The following LSAMP variants were observed in gnomAD, a reference collection of about 807,000 sequenced individuals.
LSAMP encodes limbic system-associated membrane protein.
A neutral mutation model predicts 38.6 loss-of-function variants in LSAMP; 7 were observed. The ratio of observed to expected loss-of-function variants is 0.18; its 90% CI spans 0.10 to 0.34. LSAMP has a LOEUF of 0.34. Ranked by LOEUF, LSAMP falls within the 10% of genes least tolerant of loss-of-function variation. LSAMP has a pLI of 1.00. For missense variants in LSAMP, 313 were observed against 420.0 expected (o/e 0.75, Z 2.23); for synonymous variants, 154 against 166.8 (o/e 0.92, Z 0.59).
rs375481373 is a variant in LSAMP at position 115,989,072 on chromosome 3, CGTTCA to C, written c.514+30438_514+30442del. 4.3e-3 allele frequency among the ~76,000 whole-genome samples: 648 copies of C among 151,940 alleles called. 1 individual carries two copies. Among genetic ancestry groups the C allele is most frequent in the African/African-American group, 0.015 (623 of 41,408 alleles). ...CATTCAATTTTCACACTAAATGAGT[CGTTCA>C]CAGGATGAGAGTATAGTTCAAGTTA... On this transcript the variant is annotated intron_variant, in intron 3 of 6. Transcript: ENST00000490035.
At chr3:115,884,080 G>T (rs930185948) in intron 3 of LSAMP, among the ~76,000 whole-genome samples, 22 of 151,944 alleles carry the variant, frequency 1.4e-4, no homozygotes, top group African/African-American at 5.1e-4. Flanking sequence ...AATGATTCTG[G>T]GACTATGATG....
intron 1 of LSAMP, among the ~76,000 whole-genome samples, chr3:116,125,658 A>G (rs1270042360): frequency 6.6e-6 from 1 of 152,120 alleles, no homozygotes; most frequent in Non-Finnish European, 1.5e-5. Flanking sequence ...ATGGAAGAAC[A>G]CTTTGTAAAC....
intron 6 of LSAMP, among the ~76,000 whole-genome samples, chr3:115,812,433 G>A (rs148413099): frequency 7.2e-4 from 110 of 152,274 alleles, no homozygotes; most frequent in African/African-American, 2.5e-3. Flanking sequence ...TTAAATTCAA[G>A]TGTCTTAAGT....
At chr3:116,185,658 A>G (rs1710597342) in intron 1 of LSAMP, among the ~76,000 whole-genome samples, 1 of 152,110 alleles carries the variant, frequency 6.6e-6, no homozygotes, top group South Asian at 2.1e-4. Flanking sequence ...AGTATTAAAT[A>G]CAGTTATCTT....
At chr3:116,207,579 A>G (rs111279286) in intron 1 of LSAMP, among the ~76,000 whole-genome samples, 1 of 148,496 alleles carries the variant, frequency 6.7e-6, no homozygotes, top group African/African-American at 2.5e-5. Context: ...TTCCTTCAGG[A>G]GCTCTTTTAG....
chr3:116,285,443 CT>C (rs1213227646), intron 1 of LSAMP, among the ~76,000 whole-genome samples: 1 of 152,090 alleles, frequency 6.6e-6, no homozygotes, highest in African/African-American at 2.4e-5. Context: ...AATGTCATTT[CT>C]TCTCCCTGGA....
At position 116,143,113 on chromosome 3, in the gene LSAMP, T is replaced by G. The variant is rs144444865; in HGVS notation, c.156-56557A>C. 9.6e-3 allele frequency among the ~76,000 whole-genome samples: 1,461 copies of G among 151,446 alleles called. 28 individuals carry two copies. Among genetic ancestry groups the G allele is most frequent in the African/African-American group, 0.034 (1,394 of 41,424 alleles). On this transcript the variant is annotated intron_variant, in intron 1 of 6. Transcript: ENST00000490035. Reference sequence around the variant, plus strand: ...ATAACATTTAAGCATGGATATTGGATAGCATTCGTATTCCCTCCAAGTGTT... The same window carrying G: ...ATAACATTTAAGCATGGATATTGGAGAGCATTCGTATTCCCTCCAAGTGTT...
chr3:116,412,128 A>G (rs2048988823), intron 1 of LSAMP, among the ~76,000 whole-genome samples: 1 of 152,020 alleles, frequency 6.6e-6, no homozygotes, highest in South Asian at 2.1e-4. Flanking sequence ...CATTATTACC[A>G]CTAATTCTGC....
At position 116,100,778 on chromosome 3, in the gene LSAMP, T is replaced by A. The variant is rs1433750044; in HGVS notation, c.156-14222A>T. ...AACATCAGTTCACTTAACCTAGCTT[T>A]CCAACCCCGATCTCTTGACATTACA... On this transcript the variant is annotated intron_variant, in intron 1 of 6. Transcript: ENST00000490035. Among the ~76,000 whole-genome samples, 3 of 152,186 alleles carry A rather than the reference T, an allele frequency of 2.0e-5. No individual in the cohort carries two copies. In the East Asian group the frequency reaches 5.8e-4, roughly 29 times the overall value.
chr3:116,284,630 CT>C (rs1393950716), intron 1 of LSAMP, among the ~76,000 whole-genome samples: 1 of 152,192 alleles, frequency 6.6e-6, no homozygotes, highest in African/African-American at 2.4e-5. Flanking sequence ...GGCATTTACA[CT>C]TTTTGGTATT....
At chr3:116,155,193 T>C (rs1210724765) in intron 1 of LSAMP, among the ~76,000 whole-genome samples, 1 of 151,972 alleles carries the variant, frequency 6.6e-6, no homozygotes, top group Non-Finnish European at 1.5e-5. Context: ...GACTCTCTCA[T>C]GAGGGCAGGT....
At chr3:116,318,188 A>G (rs2047659185) in intron 1 of LSAMP, among the ~76,000 whole-genome samples, 1 of 151,794 alleles carries the variant, frequency 6.6e-6, no homozygotes. Flanking sequence ...CTTATCTCTG[A>G]TCATGGCAAA....
intron 1 of LSAMP, among the ~76,000 whole-genome samples, chr3:116,221,900 C>T (rs12695323): frequency 0.62 from 93,438 of 150,812 alleles, 29,433 homozygotes; most frequent in East Asian, 0.78. Context: ...GGCAAACACA[C>T]TGTCCTGATC....
chr3:116,029,783 G>A (rs112925841), intron 2 of LSAMP, among the ~76,000 whole-genome samples: 8 of 152,160 alleles, frequency 5.3e-5, no homozygotes, highest in South Asian at 2.1e-4. Flanking sequence ...GTAGTCCTCC[G>A]AGATGTAGCC....
chr3:116,047,628 C>A (rs373388349), intron 2 of LSAMP, among the ~76,000 whole-genome samples: 3 of 152,264 alleles, frequency 2.0e-5, no homozygotes, highest in East Asian at 3.9e-4. Flanking sequence ...GACTTCAAGA[C>A]CCTGCCCCTA....
At chr3:115,822,362 C>CTTT (rs57335228) in intron 6 of LSAMP, among the ~76,000 whole-genome samples, 1 of 120,852 alleles carries the variant, frequency 8.3e-6, no homozygotes, top group African/African-American at 3.0e-5. Flanking sequence ...TTCTTTCCTT[C>CTTT]TTTTTTTTTT....
chr3:116,333,169 C>T (rs142444521), intron 1 of LSAMP, among the ~76,000 whole-genome samples: 5 of 152,126 alleles, frequency 3.3e-5, no homozygotes, highest in Admixed American at 2.0e-4. Context: ...CACTTAACAA[C>T]GCATATATTC....
intron 1 of LSAMP, among the ~76,000 whole-genome samples, chr3:116,297,532 C>T (rs983855962): frequency 3.9e-5 from 6 of 152,038 alleles, no homozygotes; most frequent in African/African-American, 1.4e-4. Context: ...TATATGATAC[C>T]ATATTTTCTA....
chr3:116,333,509 G>C lies in LSAMP; in HGVS notation c.155+111368C>G, dbSNP rs537546982. On this transcript the variant is annotated intron_variant, in intron 1 of 6. Transcript: ENST00000490035. Reference sequence around the variant, plus strand: ...GGATCGTGCCACTGCACTCTAGCCTGGGTGACAGAACAAGGTTCCATCTCA... The same window carrying C: ...GGATCGTGCCACTGCACTCTAGCCTCGGTGACAGAACAAGGTTCCATCTCA... Among the ~76,000 whole-genome samples, 8 of 149,090 alleles carry C rather than the reference G, an allele frequency of 5.4e-5. No homozygotes were observed. In the South Asian group the frequency reaches 1.7e-3, roughly 31 times the overall value.
Sources: allele counts gnomAD v4.1 joint callset (sites outside exome capture counted in the v4.1 genomes callset), GRCh38; gene constraint gnomAD v4.1.1; transcripts MANE v1.5; gene names NCBI Gene and HGNC (gene_info 2026-07-23, HGNC 2026-07-21).